SORCS3: variants seen among roughly 807,000 people sequenced by gnomAD.
SORCS3 encodes VPS10 domain-containing receptor SorCS3.
Under a neutral mutation model 146.3 loss-of-function variants are expected in SORCS3, and 57 were observed. The observed-to-expected ratio is 0.39, with a 90% CI of 0.31 to 0.49. SORCS3 has a LOEUF of 0.49. Ranked by LOEUF, SORCS3 falls within the 20% of genes least tolerant of loss-of-function variation. SORCS3 has a pLI of 0.92. For missense variants in SORCS3, 1,341 were observed against 1,575.5 expected, an observed-to-expected ratio of 0.85 and a Z score of 2.52; for synonymous variants, 653 against 618.5, an observed-to-expected ratio of 1.06 and a Z score of -0.83.
intron 3 of SORCS3, among the ~76,000 whole-genome samples, chr10:104,976,283 T>C (rs1035610119): frequency 1.9e-4 from 29 of 152,240 alleles, no homozygotes; most frequent in Middle Eastern, 6.8e-3. Context: ...AAGGAGACAT[T>C]TATGCAGCCA....
At chr10:105,211,978 G>A (rs1260041894) in intron 17 of SORCS3, among the ~76,000 whole-genome samples, 1 of 152,102 alleles carries the variant, frequency 6.6e-6, no homozygotes, top group East Asian at 1.9e-4. Flanking sequence ...CTTTCTGTGA[G>A]CTCCGATGTG....
At chr10:105,246,529 G>A (rs1029688561) in intron 21 of SORCS3, among the ~76,000 whole-genome samples, 6 of 152,232 alleles carry the variant, frequency 3.9e-5, no homozygotes, top group African/African-American at 1.4e-4. Flanking sequence ...GTGAAGGCTT[G>A]TGATCCTCTG....
At chr10:105,158,354 G>A (rs1211395850) in intron 10 of SORCS3, among the ~76,000 whole-genome samples, 2 of 152,150 alleles carry the variant, frequency 1.3e-5, no homozygotes, top group African/African-American at 4.8e-5. Flanking sequence ...GACTTATATA[G>A]GTTTTAGATG....
At chr10:105,259,043 G>T (rs1214366583) in intron 25 of SORCS3, among the ~76,000 whole-genome samples, 1 of 152,204 alleles carries the variant, frequency 6.6e-6, no homozygotes, top group East Asian at 1.9e-4. Flanking sequence ...GCAACATGGA[G>T]TGTACCTGGC....
At chr10:104,943,048 A>G (rs182818706) in intron 3 of SORCS3, among the ~76,000 whole-genome samples, 6 of 152,372 alleles carry the variant, frequency 3.9e-5, no homozygotes, top group Admixed American at 3.9e-4. Flanking sequence ...CTTAGAATTA[A>G]TAAGTGAATA....
chr10:104,974,135 A>G (rs1335064167), intron 3 of SORCS3, among the ~76,000 whole-genome samples: 1 of 152,084 alleles, frequency 6.6e-6, no homozygotes, highest in Non-Finnish European at 1.5e-5. Flanking sequence ...CAATTTTGGA[A>G]TAGGTGTGGT....
intron 18 of SORCS3, among the ~76,000 whole-genome samples, 197 bp downstream of exon 18, chr10:105,214,810 A>C (rs1172800198): frequency 2.6e-5 from 4 of 152,196 alleles, no homozygotes; most frequent in Non-Finnish European, 5.9e-5. Context: ...TCCCACAATA[A>C]AGACCCAGTC....
At chr10:104,677,007 A>G (rs1394278170) in intron 1 of SORCS3, among the ~76,000 whole-genome samples, 3 of 152,198 alleles carry the variant, frequency 2.0e-5, no homozygotes, top group African/African-American at 7.2e-5. Flanking sequence ...TCAGATCACA[A>G]TGGCTGGGGC....
intron 4 of SORCS3, among the ~76,000 whole-genome samples, chr10:105,030,047 A>G (rs1328194872): frequency 6.6e-6 from 1 of 152,178 alleles, no homozygotes; most frequent in Non-Finnish European, 1.5e-5. Flanking sequence ...CCCTACTTAC[A>G]TAAGACTGAG....
At chr10:105,048,932 A>G (rs1589609008) in intron 5 of SORCS3, among the ~76,000 whole-genome samples, 2 of 152,044 alleles carry the variant, frequency 1.3e-5, no homozygotes, top group South Asian at 4.2e-4. Flanking sequence ...AATTTGTGCA[A>G]TATCTTATTA....
chr10:104,940,238 A>ATATATATATATATATATATCTT (rs1435205868), intron 3 of SORCS3, among the ~76,000 whole-genome samples: 1 of 31,506 alleles, frequency 3.2e-5, no homozygotes, highest in Non-Finnish European at 6.1e-5. Context: ...ATATATATAT[A>ATATATATATATATATATATCTT]TTTTTTTTTT....
chr10:104,734,294 A>AAT (rs2016743643), intron 1 of SORCS3, among the ~76,000 whole-genome samples: 1 of 152,150 alleles, frequency 6.6e-6, no homozygotes, highest in Non-Finnish European at 1.5e-5. Context: ...GTTAGTATGA[A>AAT]TTAGTCAGTG....
At chr10:104,883,415 AAGTG>A (rs1480077410) in intron 2 of SORCS3, among the ~76,000 whole-genome samples, 10 of 152,212 alleles carry the variant, frequency 6.6e-5, no homozygotes, top group African/African-American at 2.4e-4. Flanking sequence ...TGAGAAGATT[AAGTG>A]CCTTTGAGCA....
At chr10:105,051,632 C>G (rs1330407518) in intron 5 of SORCS3, among the ~76,000 whole-genome samples, 1 of 151,980 alleles carries the variant, frequency 6.6e-6, no homozygotes, top group Non-Finnish European at 1.5e-5. Context: ...TCTTTTCAAA[C>G]AAAGTTAACA....
At chr10:104,925,811 A>G (rs1210684553) in intron 3 of SORCS3, among the ~76,000 whole-genome samples, 1 of 152,246 alleles carries the variant, frequency 6.6e-6, no homozygotes, top group Admixed American at 6.5e-5. Flanking sequence ...TGTATCAGTT[A>G]CTACAGCCTT....
intron 1 of SORCS3, among the ~76,000 whole-genome samples, chr10:104,674,331 G>C (rs937472862): frequency 6.6e-6 from 1 of 152,290 alleles, no homozygotes; most frequent in Admixed American, 6.5e-5. Context: ...TCAGTAACTT[G>C]CTTGTAGTGA....
chr10:105,098,913 A>T (rs189293437), intron 6 of SORCS3, among the ~76,000 whole-genome samples: 1 of 152,328 alleles, frequency 6.6e-6, no homozygotes, highest in Non-Finnish European at 1.5e-5. Flanking sequence ...TAACTGCCAG[A>T]TTGCCTCCTG....
At chr10:105,055,293 T>C (rs2055438874) in intron 5 of SORCS3, among the ~76,000 whole-genome samples, 1 of 152,224 alleles carries the variant, frequency 6.6e-6, no homozygotes, top group South Asian at 2.1e-4. Context: ...ATATAGTTGC[T>C]AGTCGATACC....
intron 2 of SORCS3, among the ~76,000 whole-genome samples, chr10:104,903,051 G>A (rs1264177214): frequency 2.6e-5 from 4 of 152,154 alleles, no homozygotes; most frequent in African/African-American, 9.7e-5. Flanking sequence ...ATAAATGGCC[G>A]GGCATTGAAG....
Sources: gnomAD v4.1 joint callset for allele counts (sites outside exome capture counted in the v4.1 genomes callset) on GRCh38, gnomAD v4.1.1 for gene constraint, MANE v1.5 for transcripts, NCBI Gene and HGNC (gene_info 2026-07-23, HGNC 2026-07-21) for gene names.